TMTC1: variants seen among roughly 807,000 people sequenced by gnomAD.
TMTC1 encodes protein O-mannosyl-transferase TMTC1.
A neutral mutation model predicts 104.8 loss-of-function variants in TMTC1; 73 were observed. The observed-to-expected ratio is 0.70, with a 90% confidence interval of 0.58 to 0.85. TMTC1 has a LOEUF of 0.85. Ranked by LOEUF, TMTC1 falls within the 40% of genes least tolerant of loss-of-function variation. The pLI, the probability that TMTC1 is intolerant of heterozygous loss-of-function variation, is 0.00. For missense variants in TMTC1, 1,035 were observed against 1,096.1 expected, an observed-to-expected ratio of 0.94 and a Z score of 0.79; for synonymous variants, 434 against 428.7, an observed-to-expected ratio of 1.01 and a Z score of -0.15.
chr12:29,712,977 AT>A (rs997440820), intron 5 of TMTC1, among the ~76,000 whole-genome samples: 2 of 151,940 alleles, frequency 1.3e-5, no homozygotes, highest in East Asian at 1.9e-4. Flanking sequence ...CTATGAAGGT[AT>A]TTTTTTTAAG....
intron 9 of TMTC1, among the ~76,000 whole-genome samples, chr12:29,566,610 A>T (rs539674136): frequency 6.6e-6 from 1 of 152,182 alleles, no homozygotes; most frequent in East Asian, 1.9e-4. Context: ...CCACAACACC[A>T]GTTAGGAGCA....
intron 10 of TMTC1, among the ~76,000 whole-genome samples, chr12:29,541,632 TACC>T (rs1205103517): frequency 6.6e-6 from 1 of 151,022 alleles, no homozygotes; most frequent in Non-Finnish European, 1.5e-5. Flanking sequence ...TTGTTTCTGA[TACC>T]ACAATAGTTT....
At position 29,680,046 on chromosome 12, in the gene TMTC1, T is replaced by C. The variant is rs1223675446; in HGVS notation, c.939-46710A>G. Among the ~76,000 whole-genome samples, 3 of 152,188 alleles carry C rather than the reference T, an allele frequency of 2.0e-5. No homozygotes were observed. In the East Asian group the frequency reaches 5.8e-4, roughly 29 times the overall value. Reference sequence around the variant, plus strand: ...TTTGTTTCTGGTAATGATGGCATTGTTATTTTGAGACTTCTGGGAGTAATG... The same window carrying C: ...TTTGTTTCTGGTAATGATGGCATTGCTATTTTGAGACTTCTGGGAGTAATG... On this transcript the variant is annotated intron_variant, in intron 5 of 17. Transcript: ENST00000539277.
intron 6 of TMTC1, among the ~76,000 whole-genome samples, chr12:29,623,638 C>T (rs1243490376): frequency 6.6e-6 from 1 of 152,072 alleles, no homozygotes; most frequent in Non-Finnish European, 1.5e-5. Context: ...CTTGGCGAAA[C>T]CCTGTCTCTA....
chr12:29,704,457 G>A (rs1357604715), intron 5 of TMTC1, among the ~76,000 whole-genome samples: 2 of 152,192 alleles, frequency 1.3e-5, no homozygotes, highest in African/African-American at 4.8e-5. Context: ...CAAGGGAATA[G>A]CCTACCTGGT....
At chr12:29,743,159 C>G (rs1368656592) in intron 5 of TMTC1, among the ~76,000 whole-genome samples, 6 of 152,068 alleles carry the variant, frequency 3.9e-5, no homozygotes, top group Admixed American at 2.6e-4. Flanking sequence ...GTGGTACACA[C>G]AAGGAAACTG....
At chr12:29,569,884 G>C (rs1945619268) in intron 9 of TMTC1, among the ~76,000 whole-genome samples, 1 of 152,188 alleles carries the variant, frequency 6.6e-6, no homozygotes, top group Non-Finnish European at 1.5e-5. Flanking sequence ...CAGAAGCACA[G>C]TTGCTGAAGC....
intron 5 of TMTC1, among the ~76,000 whole-genome samples, chr12:29,711,849 CA>C (rs1008991790): frequency 1.3e-5 from 2 of 151,046 alleles, no homozygotes; most frequent in African/African-American, 2.4e-5. Flanking sequence ...ACTAAAAATA[CA>C]AAAAAAATTA....
intron 5 of TMTC1, among the ~76,000 whole-genome samples, chr12:29,643,645 ATG>A (rs1939022037): frequency 1.7e-4 from 3 of 17,938 alleles, no homozygotes; most frequent in African/African-American, 7.7e-4. Context: ...TATAATATAT[ATG>A]TTATATTATA....
intron 1 of TMTC1, among the ~76,000 whole-genome samples, chr12:29,780,862 G>A (rs933047553): frequency 2.6e-5 from 4 of 152,032 alleles, no homozygotes; most frequent in East Asian, 1.9e-4. Flanking sequence ...TTTTTAAAAC[G>A]GGTTTGAAAT....
chr12:29,508,854 AG>A (rs1403646502), intron 17 of TMTC1, among the ~76,000 whole-genome samples: 2 of 152,262 alleles, frequency 1.3e-5, no homozygotes, highest in East Asian at 3.9e-4. Context: ...CTGGGATTAC[AG>A]GTATGAGCCA....
At chr12:29,727,497 C>T (rs1370341423) in intron 5 of TMTC1, among the ~76,000 whole-genome samples, 1 of 152,148 alleles carries the variant, frequency 6.6e-6, no homozygotes, top group African/African-American at 2.4e-5. Context: ...CTGCCTCAGC[C>T]TCTCAAGTAG....
intron 6 of TMTC1, chr12:29,614,002 T>C: frequency 1.4e-5 from 12 of 855,220 alleles, no homozygotes; most frequent in Non-Finnish European, 1.7e-5. Flanking sequence ...GAAAGAACCA[T>C]AAAAAAGTTC....
chr12:29,771,961 A>G (rs1270174703), intron 1 of TMTC1, among the ~76,000 whole-genome samples: 1 of 152,228 alleles, frequency 6.6e-6, no homozygotes, highest in African/African-American at 2.4e-5. Context: ...TGATTATCAT[A>G]CAATAGGCAT....
At chr12:29,710,188 A>G (rs1419351929) in intron 5 of TMTC1, among the ~76,000 whole-genome samples, 1 of 152,164 alleles carries the variant, frequency 6.6e-6, no homozygotes, top group East Asian at 1.9e-4. Context: ...AGCTGCCACA[A>G]TCTAACTGGC....
chr12:29,583,489 A>C lies in TMTC1; in HGVS notation c.1336T>G (p.Ser446Ala). ...NRCGATTLIV[S>A]TVLLLLLFSW... ...AAAAGCAACAGCAGCAACACAGTGGACACAATCAGGGTGGTGGCCCCACAT... is the reference window on the plus strand; with the variant it reads ...AAAAGCAACAGCAGCAACACAGTGGCCACAATCAGGGTGGTGGCCCCACAT... Residue 446 changes from serine to alanine, a missense_variant, in exon 8 of 18, where the codon TCC becomes GCC. Transcript: ENST00000539277. 6.2e-7 allele frequency: 1 copy of C among 1,613,962 alleles called. No homozygotes were observed. Among genetic ancestry groups the C allele is most frequent in the Non-Finnish European group, 8.5e-7 (1 of 1,179,912 alleles).
At chr12:29,585,173 C>T (rs1366190281) in intron 7 of TMTC1, among the ~76,000 whole-genome samples, 1 of 151,824 alleles carries the variant, frequency 6.6e-6, no homozygotes, top group East Asian at 1.9e-4. Context: ...TTTTGATTTG[C>T]ATTTCTCTGA....
intron 5 of TMTC1, among the ~76,000 whole-genome samples, chr12:29,637,846 C>T (rs1024827343): frequency 2.4e-4 from 36 of 152,152 alleles, no homozygotes; most frequent in African/African-American, 8.4e-4. Flanking sequence ...ATATATAGTT[C>T]TTGCTTGCTT....
rs184667926 is a variant in TMTC1 at position 29,560,650 on chromosome 12, G to T, written c.1533-3650C>A. Among the ~76,000 whole-genome samples the T allele has an allele frequency of 3.3e-5, 5 of 152,146 alleles. No homozygotes were observed. The East Asian group carries it at 7.7e-4, about 24-fold the overall frequency. On this transcript the variant is annotated intron_variant, in intron 9 of 17. Transcript: ENST00000539277. ...TAACAAAACATACATATAGAGATGT[G>T]GTTCTATGAGCTGAAGAAAAATTTG...
Sources: gnomAD v4.1 joint callset for allele counts (sites outside exome capture counted in the v4.1 genomes callset) on GRCh38, gnomAD v4.1.1 for gene constraint, MANE v1.5 for transcripts, NCBI Gene and HGNC (gene_info 2026-07-23, HGNC 2026-07-21) for gene names.